RYR3: variants seen among roughly 807,000 people sequenced by gnomAD.
RYR3 encodes the protein ryanodine receptor 3.
Under a neutral mutation model 584.3 loss-of-function variants are expected in RYR3, and 207 were observed. The observed-to-expected ratio is 0.35, with a 90% CI of 0.32 to 0.40. The LOEUF (loss-of-function observed/expected upper bound fraction) is 0.40, where lower values mean the gene tolerates loss of function less well. Among genes scored for constraint, RYR3 ranks in the 10% least tolerant of loss-of-function variants. The pLI is 1.00. For synonymous variants in RYR3, 2,416 were observed against 2,248.5 expected, an observed-to-expected ratio of 1.07 and a Z score of -2.11; for missense variants, 5,616 against 6,089.2, an observed-to-expected ratio of 0.92 and a Z score of 2.59.
intron 2 of RYR3, among the ~76,000 whole-genome samples, chr15:33,491,695 A>C (rs1490066620): frequency 6.6e-6 from 1 of 152,204 alleles, no homozygotes; most frequent in Middle Eastern, 3.2e-3. Flanking sequence ...ATTACTCAGC[A>C]AAGCGGAGGA....
chr15:33,863,650 TGATGAAAACAAAACTATAGTTCTG>T (rs1889347973), intron 102 of RYR3, among the ~76,000 whole-genome samples: 1 of 152,096 alleles, frequency 6.6e-6, no homozygotes, highest in South Asian at 2.1e-4. Context: ...CAGCTATTTA[TGATGAAAACAAAACTATAGTTCTG>T]GAAGAATCTC....
In RYR3 at chr15:33,540,016, A is replaced by G. The variant is rs576453466; in HGVS notation, c.546+554A>G. On this transcript the variant is annotated intron_variant, in intron 6 of 103. Transcript: ENST00000634891. The stretch of plus-strand genomic sequence containing the variant: ...TTCAAACCCGTGTTGTTCAATAGTC[A>G]ACTGCACTCGAGGGATGATTAAATA... 5.9e-5 allele frequency among the ~76,000 whole-genome samples: 9 copies of G among 152,166 alleles called. No homozygotes were observed. The South Asian group carries it at 1.5e-3, about 25-fold the overall frequency.
At position 33,848,283 on chromosome 15, in the gene RYR3, A is replaced by C; in HGVS notation, c.13498-8A>C. The C allele has an allele frequency of 6.2e-7, 1 of 1,613,104 alleles. No individual in the cohort carries two copies. ...TGCTCTGAGTAACCATCCTCCTCCCACTCCTAGGTGCCTTTGGTGGTTTTC... is the reference window on the plus strand; with the variant it reads ...TGCTCTGAGTAACCATCCTCCTCCCCCTCCTAGGTGCCTTTGGTGGTTTTC... On this transcript the variant is annotated splice_polypyrimidine_tract_variant and splice_region_variant and intron_variant, in intron 93 of 103. Coordinates refer to ENST00000634891, the MANE Select transcript of RYR3 (RefSeq NM_001036.6).
chr15:33,669,483 C>G (rs1352840656), intron 37 of RYR3, 27 bp downstream of exon 37: 2 of 1,591,268 alleles, frequency 1.3e-6, no homozygotes, highest in Non-Finnish European at 1.7e-6. Context: ...AAGGCTTTGT[C>G]CTTTTTTTAC....
At chr15:33,839,259 T>G (rs1049458385) in intron 89 of RYR3, among the ~76,000 whole-genome samples, 2 of 152,216 alleles carry the variant, frequency 1.3e-5, no homozygotes, top group Non-Finnish European at 2.9e-5. Context: ...TCTCATGCTG[T>G]GCAGATGCAT....
chr15:33,758,887 A>G (rs2072144759), intron 60 of RYR3, among the ~76,000 whole-genome samples: 1 of 152,182 alleles, frequency 6.6e-6, no homozygotes, highest in Admixed American at 6.5e-5. Context: ...CACCTCATAG[A>G]GGAGAGCTCC....
intron 3 of RYR3, among the ~76,000 whole-genome samples, chr15:33,509,747 C>A: frequency 6.6e-6 from 1 of 152,210 alleles, no homozygotes; most frequent in South Asian, 2.1e-4. Context: ...CCTTTGTATT[C>A]GTTGGTAAAA....
At chr15:33,580,199 C>T (rs769146214) in intron 13 of RYR3, 55 bp downstream of exon 13, 450 of 1,339,382 alleles carry the variant, frequency 3.4e-4, no homozygotes, top group Non-Finnish European at 4.3e-4. Flanking sequence ...CTAGAATATC[C>T]CTGTGACTAC....
intron 34 of RYR3, among the ~76,000 whole-genome samples, chr15:33,661,524 A>G (rs1166220913): frequency 1.3e-5 from 2 of 152,114 alleles, no homozygotes; most frequent in South Asian, 2.1e-4. Context: ...CATGGAAGAC[A>G]GTTTTTCCAC....
intron 57 of RYR3, 30 bp from the exon 58 acceptor site, chr15:33,755,035 C>A (rs764149919): frequency 1.6e-5 from 20 of 1,276,964 alleles, no homozygotes; most frequent in Admixed American, 7.0e-5. Flanking sequence ...GTCTCTGTTA[C>A]TTCCTGGGGT....
chr15:33,325,685 TC>T (rs1223295577), intron 1 of RYR3, among the ~76,000 whole-genome samples: 2 of 144,810 alleles, frequency 1.4e-5, no homozygotes, highest in African/African-American at 5.2e-5. Flanking sequence ...CTTTCCACCT[TC>T]CCCCTTCCCC....
intron 38 of RYR3, among the ~76,000 whole-genome samples, chr15:33,677,269 T>C (rs1396006625): frequency 6.6e-6 from 1 of 152,190 alleles, no homozygotes; most frequent in African/African-American, 2.4e-5. Context: ...TTAGGGTACA[T>C]GGCCAGTGGC....
Position 33,662,264 on chromosome 15 carries a change from C to T in RYR3, c.4734C>T (p.Tyr1578=), listed in dbSNP as rs374898131. The change falls in exon 35 of 104, where the codon TAC becomes TAT. Residue 1578 remains tyrosine, a synonymous_variant. Transcript: ENST00000634891. ...VCALGNSRVA[Y]ALCSHVDLSQ... Reference sequence around the variant, plus strand: ...CCCTGGGAAACAGCCGCGTGGCCTACGCCCTGTGCAGCCACGTGGACCTCT... The same window carrying T: ...CCCTGGGAAACAGCCGCGTGGCCTATGCCCTGTGCAGCCACGTGGACCTCT... 6.0e-5 allele frequency: 96 copies of T among 1,610,396 alleles called. No individual in the cohort carries two copies. The highest frequency in any genetic ancestry group is 7.6e-5 in the Non-Finnish European group (89 of 1,178,612).
At chr15:33,544,965 T>C (rs1168863901) in intron 8 of RYR3, among the ~76,000 whole-genome samples, 1 of 152,182 alleles carries the variant, frequency 6.6e-6, no homozygotes, top group Non-Finnish European at 1.5e-5. Context: ...GATTTGCCTT[T>C]TATTCAATAT....
intron 16 of RYR3, among the ~76,000 whole-genome samples, chr15:33,588,532 G>A (rs2058969341): frequency 6.6e-6 from 1 of 152,094 alleles, no homozygotes; most frequent in Non-Finnish European, 1.5e-5. Flanking sequence ...TAGTGCTGAT[G>A]TCTGGGTTTT....
At chr15:33,536,135 T>C (rs1174849956) in intron 5 of RYR3, among the ~76,000 whole-genome samples, 1 of 152,220 alleles carries the variant, frequency 6.6e-6, no homozygotes, top group Non-Finnish European at 1.5e-5. Flanking sequence ...GGGTCCCCTG[T>C]TCCTGTCTGG....
intron 98 of RYR3, among the ~76,000 whole-genome samples, 196 bp from the exon 99 acceptor site, chr15:33,857,584 C>A (rs9806577): frequency 6.6e-6 from 1 of 152,116 alleles, no homozygotes; most frequent in Non-Finnish European, 1.5e-5. Flanking sequence ...AGGAAGCCCG[C>A]TTCTCTTTAC....
intron 62 of RYR3, among the ~76,000 whole-genome samples, chr15:33,770,221 C>T (rs373141007): frequency 6.6e-6 from 1 of 151,624 alleles, no homozygotes; most frequent in East Asian, 1.9e-4. Flanking sequence ...AAGAGTGGGA[C>T]ACTAAAAGAG....
intron 1 of RYR3, among the ~76,000 whole-genome samples, chr15:33,384,244 T>C (rs921180456): frequency 2.6e-5 from 4 of 151,954 alleles, no homozygotes; most frequent in Non-Finnish European, 5.9e-5. Context: ...TCAGAGAGGA[T>C]AGCAACCTAA....
Sources: gnomAD v4.1 joint callset for allele counts (sites outside exome capture counted in the v4.1 genomes callset) on GRCh38, gnomAD v4.1.1 for gene constraint, MANE v1.5 for transcripts, NCBI Gene and HGNC (gene_info 2026-07-23, HGNC 2026-07-21) for gene names.